Variants in ASTN2 observed in about 807,000 individuals in gnomAD.
ASTN2 encodes the protein astrotactin-2.
Under a neutral mutation model 139.8 loss-of-function variants are expected in ASTN2, and 54 were observed. That is an observed-to-expected ratio of 0.39 (90% CI 0.31 to 0.48). The LOEUF (loss-of-function observed/expected upper bound fraction) is 0.48. Ranked by LOEUF, ASTN2 falls within the 20% of genes least tolerant of loss-of-function variation. ASTN2 has a pLI of 0.95. For missense variants in ASTN2, 1,565 were observed against 1,725.1 expected (o/e 0.91, Z 1.64); for synonymous variants, 756 against 719.5 (o/e 1.05, Z -0.81).
chr9:116,657,017 C>T (rs999023260), intron 16 of ASTN2, among the ~76,000 whole-genome samples: 4 of 152,138 alleles, frequency 2.6e-5, no homozygotes, highest in African/African-American at 9.7e-5. Context: ...TCATAAAGAA[C>T]GGCCTTTATT....
At chr9:116,964,562 A>G (rs1219339110) in intron 10 of ASTN2, among the ~76,000 whole-genome samples, 2 of 152,166 alleles carry the variant, frequency 1.3e-5, no homozygotes, top group Non-Finnish European at 2.9e-5. Context: ...ATCACTCAGG[A>G]CTGTCCATGC....
At chr9:116,939,234 A>T (rs1452187754) in intron 10 of ASTN2, among the ~76,000 whole-genome samples, 2 of 152,212 alleles carry the variant, frequency 1.3e-5, no homozygotes, top group African/African-American at 4.8e-5. Context: ...TTTAACAATG[A>T]AATAGTAGCT....
chr9:117,119,386 G>A (rs1377234406), intron 4 of ASTN2, among the ~76,000 whole-genome samples: 2 of 152,178 alleles, frequency 1.3e-5, no homozygotes, highest in African/African-American at 4.8e-5. Context: ...TTCAAGGAGT[G>A]GGAATGCCCA....
intron 4 of ASTN2, among the ~76,000 whole-genome samples, chr9:117,129,501 CTCT>C (rs796204857): frequency 3.9e-5 from 6 of 152,322 alleles, no homozygotes; most frequent in African/African-American, 1.2e-4. Flanking sequence ...CAGAATTTCT[CTCT>C]TCTTAAGAAA....
chr9:117,384,038 G>A (rs116346069), intron 1 of ASTN2, among the ~76,000 whole-genome samples: 245 of 152,222 alleles, frequency 1.6e-3, no homozygotes, highest in African/African-American at 5.1e-3. Context: ...TCTTCATCTC[G>A]GCTCCTGGGA....
At chr9:117,125,301 T>C (rs891086065) in intron 4 of ASTN2, among the ~76,000 whole-genome samples, 4 of 152,184 alleles carry the variant, frequency 2.6e-5, no homozygotes, top group Non-Finnish European at 5.9e-5. Flanking sequence ...AATATACACA[T>C]ACATATTTTG....
intron 19 of ASTN2, among the ~76,000 whole-genome samples, chr9:116,545,154 G>A (rs979611650): frequency 6.6e-6 from 1 of 152,180 alleles, no homozygotes; most frequent in Non-Finnish European, 1.5e-5. Flanking sequence ...GCAGAGCCAG[G>A]GATGCCAGAC....
chr9:117,117,967 C>T (rs1829441369), intron 4 of ASTN2, among the ~76,000 whole-genome samples: 1 of 152,004 alleles, frequency 6.6e-6, no homozygotes, highest in East Asian at 1.9e-4. Flanking sequence ...TTGAAAATCA[C>T]CGTTATATTA....
intron 5 of ASTN2, among the ~76,000 whole-genome samples, chr9:117,063,021 C>G (rs1839337422): frequency 6.6e-6 from 1 of 152,192 alleles, no homozygotes; most frequent in Non-Finnish European, 1.5e-5. Context: ...CGGAAGCTAA[C>G]CAACCTGTTG....
At position 116,805,711 on chromosome 9, in the gene ASTN2, G is replaced by C. The variant is rs1273086682; in HGVS notation, c.2317C>G (p.Leu773Val). 2 of 1,613,980 alleles carry C rather than the reference G, an allele frequency of 1.2e-6. No individual in the cohort carries two copies. The change falls in exon 13 of 23, where the codon CTC becomes GTC. Residue 773 changes from leucine to valine, a missense_variant. By Grantham distance (32) the Leu-to-Val change is conservative (BLOSUM62 1). Transcript: ENST00000313400. ...LKPDSKFNDT[L>V]FGEMLHGYNN... ...TAACCATGTAGCATCTCTCCAAAGA[G>C]GGTATCATTGAATTTGGAGTCAGGT...
At chr9:116,851,267 G>C (rs1832592001) in intron 11 of ASTN2, among the ~76,000 whole-genome samples, 1 of 152,154 alleles carries the variant, frequency 6.6e-6, no homozygotes, top group East Asian at 1.9e-4. Flanking sequence ...CAGGGTCTTG[G>C]CCACTTCCAG....
intron 1 of ASTN2, among the ~76,000 whole-genome samples, chr9:117,398,280 G>T (rs1043947283): frequency 6.6e-6 from 1 of 152,186 alleles, no homozygotes; most frequent in African/African-American, 2.4e-5. Context: ...AAAAAATGTG[G>T]AAGGAACATT....
chr9:117,227,963 G>A (rs1832768192), intron 2 of ASTN2, among the ~76,000 whole-genome samples: 1 of 152,114 alleles, frequency 6.6e-6, no homozygotes, highest in Non-Finnish European at 1.5e-5. Context: ...GGAAATCATA[G>A]GACTTTAGTG....
At chr9:117,016,581 T>C (rs1332992307) in intron 6 of ASTN2, among the ~76,000 whole-genome samples, 3 of 110,764 alleles carry the variant, frequency 2.7e-5, no homozygotes, top group African/African-American at 3.4e-5. Context: ...GGATTTGGGG[T>C]ATTCTAGGTT....
intron 2 of ASTN2, among the ~76,000 whole-genome samples, chr9:117,229,815 A>G (rs1832831849): frequency 6.6e-6 from 1 of 152,064 alleles, no homozygotes; most frequent in Admixed American, 6.6e-5. Context: ...GAGGTGGAAT[A>G]GGGACTGGTG....
intron 10 of ASTN2, among the ~76,000 whole-genome samples, chr9:116,960,195 GACCA>G (rs1426758960): frequency 6.6e-6 from 1 of 152,082 alleles, no homozygotes; most frequent in Non-Finnish European, 1.5e-5. Context: ...GGGGTCGCTG[GACCA>G]TCTAAGCCAG....
At chr9:117,116,053 T>TATATATATATATATA (rs55920877) in intron 4 of ASTN2, among the ~76,000 whole-genome samples, 1 of 150,434 alleles carries the variant, frequency 6.6e-6, no homozygotes, top group Non-Finnish European at 1.5e-5. Flanking sequence ...TATATATATA[T>TATATATATATATATA]TGCTCCCATC....
chr9:117,017,918 T>G lies in ASTN2; in HGVS notation c.1424-9659A>C, dbSNP rs556933318. Reference sequence around the variant, plus strand: ...TGGTGTCTTCTGAAATTGTGCAACATGGTGATCCTCCTTGGGACACAGCCA... The same window carrying G: ...TGGTGTCTTCTGAAATTGTGCAACAGGGTGATCCTCCTTGGGACACAGCCA... On this transcript the variant is annotated intron_variant, in intron 6 of 22. Transcript: ENST00000313400. Among the ~76,000 whole-genome samples the G allele has an allele frequency of 2.6e-5, 4 of 151,108 alleles. No individual in the cohort carries two copies. The Admixed American group carries it at 2.6e-4, about 10-fold the overall frequency.
chr9:117,356,988 C>T (rs1236820320), intron 1 of ASTN2, among the ~76,000 whole-genome samples: 1 of 152,020 alleles, frequency 6.6e-6, no homozygotes, highest in Non-Finnish European at 1.5e-5. Flanking sequence ...CACTTGAACC[C>T]GGGAAGCGGA....
Sources: gnomAD v4.1 joint callset for allele counts (sites outside exome capture counted in the v4.1 genomes callset) on GRCh38, gnomAD v4.1.1 for gene constraint, MANE v1.5 for transcripts, NCBI Gene and HGNC (gene_info 2026-07-23, HGNC 2026-07-21) for gene names.